The following TMEM196 variants were observed in gnomAD, a reference collection of about 807,000 sequenced individuals.
TMEM196 encodes transmembrane protein 196.
Under a neutral mutation model 20.0 loss-of-function variants are expected in TMEM196, and 17 were observed. The observed-to-expected ratio is 0.85, with a 90% confidence interval of 0.58 to 1.27. TMEM196 has a LOEUF of 1.27. TMEM196 is among the 50% of genes most tolerant of loss of function. TMEM196 has a pLI of 0.00. For synonymous variants in TMEM196, 113 were observed against 88.9 expected (o/e 1.27, Z -1.52); for missense variants, 267 against 223.0 (o/e 1.20, Z -1.26).
chr7:19,726,061 T>G (rs186642709), intron 2 of TMEM196, among the ~76,000 whole-genome samples: 1 of 152,182 alleles, frequency 6.6e-6, no homozygotes, highest in East Asian at 1.9e-4. Flanking sequence ...CAAACAAAAT[T>G]TATCGTCTAG....
chr7:19,750,989 C>T (rs1039226677), intron 1 of TMEM196, among the ~76,000 whole-genome samples: 31 of 152,160 alleles, frequency 2.0e-4, no homozygotes, highest in African/African-American at 6.8e-4. Context: ...TTCGAAGTTT[C>T]TCCCTCATTG....
intron 1 of TMEM196, among the ~76,000 whole-genome samples, chr7:19,740,185 T>TTAC (rs1235220470): frequency 6.6e-6 from 1 of 152,164 alleles, no homozygotes; most frequent in African/African-American, 2.4e-5. Context: ...ATGAGAAAGA[T>TTAC]TACTATTCAC....
chr7:19,747,920 C>T (rs918094226), intron 1 of TMEM196, among the ~76,000 whole-genome samples: 2 of 151,974 alleles, frequency 1.3e-5, no homozygotes, highest in Admixed American at 6.6e-5. Flanking sequence ...TTCTAGTCTC[C>T]GAAGAAGTAC....
intron 1 of TMEM196, among the ~76,000 whole-genome samples, chr7:19,763,023 C>T (rs986760761): frequency 6.6e-6 from 1 of 152,176 alleles, no homozygotes; most frequent in Non-Finnish European, 1.5e-5. Flanking sequence ...ATGACAATTA[C>T]CAACTTTTTC....
intron 1 of TMEM196, among the ~76,000 whole-genome samples, chr7:19,756,069 C>T (rs984043124): frequency 1.4e-5 from 2 of 146,094 alleles, no homozygotes; most frequent in African/African-American, 5.2e-5. Flanking sequence ...TCCTGACCAG[C>T]TACTCATTTC....
intron 1 of TMEM196, among the ~76,000 whole-genome samples, chr7:19,753,175 C>T (rs1785061073): frequency 6.6e-6 from 1 of 152,264 alleles, no homozygotes; most frequent in Middle Eastern, 3.4e-3. Context: ...TCTTTTTCTC[C>T]TAATTCTCAG....
intron 1 of TMEM196, among the ~76,000 whole-genome samples, chr7:19,755,502 A>G (rs1414340552): frequency 2.6e-5 from 4 of 152,184 alleles, no homozygotes; most frequent in African/African-American, 9.7e-5. Flanking sequence ...TCCCACTAAT[A>G]AAAAGTAACA....
At position 19,721,921 on chromosome 7, in the gene TMEM196, A is replaced by C. The variant is rs1032525311; in HGVS notation, c.*207T>G. Reference sequence around the variant, plus strand: ...TTTACCCCATAAAAAAGGGTGGAGAAACCAGTGAGGCAATATATTTTTTAG... The same window carrying C: ...TTTACCCCATAAAAAAGGGTGGAGACACCAGTGAGGCAATATATTTTTTAG... On this transcript the variant is annotated 3_prime_UTR_variant, in exon 5 of 5. Coordinates refer to ENST00000405844, the MANE Select transcript of TMEM196 (RefSeq NM_001363562.2). The C allele has an allele frequency of 1.8e-5, 12 of 653,190 alleles. No homozygotes were observed. The Admixed American group carries it at 1.9e-4, about 10-fold the overall frequency. The allele number at this position is 653,190 out of a possible 1,614,324, so 40.5% of individuals were successfully genotyped here.
intron 1 of TMEM196, among the ~76,000 whole-genome samples, chr7:19,748,800 G>A (rs1037176355): frequency 3.3e-5 from 5 of 152,150 alleles, no homozygotes; most frequent in Non-Finnish European, 5.9e-5. Flanking sequence ...TTTTTAGGAG[G>A]TAGAGACAAT....
At chr7:19,728,749 G>T (rs1376391919) in intron 2 of TMEM196, among the ~76,000 whole-genome samples, 1 of 152,230 alleles carries the variant, frequency 6.6e-6, no homozygotes, top group African/African-American at 2.4e-5. Context: ...AAAGGCGATG[G>T]GGAATCCACA....
At chr7:19,766,894 G>T (rs770787931) in intron 1 of TMEM196, among the ~76,000 whole-genome samples, 21 of 151,958 alleles carry the variant, frequency 1.4e-4, no homozygotes, top group Non-Finnish European at 2.6e-4. Flanking sequence ...GGATAATCTG[G>T]CTCATAATTA....
At chr7:19,742,385 T>G (rs1784611366) in intron 1 of TMEM196, among the ~76,000 whole-genome samples, 2 of 152,082 alleles carry the variant, frequency 1.3e-5, no homozygotes, top group Admixed American at 1.3e-4. Context: ...AAAAAGAGTA[T>G]GCTCTCACAG....
intron 1 of TMEM196, among the ~76,000 whole-genome samples, chr7:19,751,463 T>A (rs1784958201): frequency 6.6e-6 from 1 of 152,204 alleles, no homozygotes; most frequent in South Asian, 2.1e-4. Flanking sequence ...ACATGTGCTG[T>A]AAATTTGGCT....
intron 1 of TMEM196, among the ~76,000 whole-genome samples, chr7:19,753,016 T>G (rs1343055126): frequency 6.6e-6 from 1 of 152,200 alleles, no homozygotes; most frequent in Non-Finnish European, 1.5e-5. Context: ...CTACTGTGGA[T>G]CTTCTACAGC....
At chr7:19,760,591 C>T (rs1785399196) in intron 1 of TMEM196, among the ~76,000 whole-genome samples, 1 of 152,052 alleles carries the variant, frequency 6.6e-6, no homozygotes, top group African/African-American at 2.4e-5. Context: ...AAACTCCCAA[C>T]CTCAACCAAT....
intron 1 of TMEM196, among the ~76,000 whole-genome samples, chr7:19,763,312 T>A (rs1785502705): frequency 6.6e-6 from 1 of 152,184 alleles, no homozygotes; most frequent in East Asian, 1.9e-4. Flanking sequence ...TCAACATCAT[T>A]GATATTATTT....
At chr7:19,743,654 G>C (rs1490094261) in intron 1 of TMEM196, among the ~76,000 whole-genome samples, 1 of 152,124 alleles carries the variant, frequency 6.6e-6, no homozygotes, top group Non-Finnish European at 1.5e-5. Flanking sequence ...ACGAGTTAAA[G>C]AGCACTATTT....
chr7:19,772,537 C>G lies in TMEM196; in HGVS notation c.147+13G>C. On this transcript the variant is annotated intron_variant, in intron 1 of 4. Transcript: ENST00000405844. Reference sequence around the variant, plus strand: ...AGTGAAATGGCTCAACGTACACACACCCCGCTCCATACCGGGGACGAGTCT... The same window carrying G: ...AGTGAAATGGCTCAACGTACACACAGCCCGCTCCATACCGGGGACGAGTCT... 6.5e-7 allele frequency: 1 copy of G among 1,537,304 alleles called. No individual in the cohort carries two copies.
chr7:19,749,935 T>C (rs1204473857), intron 1 of TMEM196, among the ~76,000 whole-genome samples: 2 of 152,182 alleles, frequency 1.3e-5, no homozygotes, highest in African/African-American at 4.8e-5. Flanking sequence ...GTTTTCACAG[T>C]TTAGGATCAA....
Sources: gnomAD v4.1 joint callset for allele counts (sites outside exome capture counted in the v4.1 genomes callset) on GRCh38, gnomAD v4.1.1 for gene constraint, MANE v1.5 for transcripts, NCBI Gene and HGNC (gene_info 2026-07-23, HGNC 2026-07-21) for gene names.